RNF6: variants seen among roughly 807,000 people sequenced by gnomAD.
RNF6 encodes E3 ubiquitin-protein ligase RNF6.
Under a neutral mutation model 50.1 loss-of-function variants are expected in RNF6, and 21 were observed. That is an observed-to-expected ratio of 0.42 (90% CI 0.30 to 0.60). The LOEUF (loss-of-function observed/expected upper bound fraction) is 0.60, where lower values mean the gene tolerates loss of function less well. RNF6 is among the 20% of genes least tolerant of loss of function. The probability of loss-of-function intolerance (pLI) is 0.20; values close to 1 mark genes in which losing one functional copy is unlikely to be tolerated. For missense variants in RNF6, 698 were observed against 838.2 expected, an observed-to-expected ratio of 0.83 and a Z score of 2.07; for synonymous variants, 255 against 291.8, an observed-to-expected ratio of 0.87 and a Z score of 1.29.
chr13:26,189,922 A>G (rs1868392882), intron 5 of RNF6, among the ~76,000 whole-genome samples: 1 of 152,242 alleles, frequency 6.6e-6, no homozygotes, highest in Non-Finnish European at 1.5e-5. Context: ...TATGGAAAAT[A>G]GCCTTAAAGA....
chr13:26,133,973 T>C (rs920965353), intron 5 of RNF6, among the ~76,000 whole-genome samples: 1 of 152,232 alleles, frequency 6.6e-6, no homozygotes, highest in Admixed American at 6.5e-5. Flanking sequence ...TTAAACTGTC[T>C]GTTTTATCTG....
rs115728167 is a variant in RNF6 at position 26,139,599 on chromosome 13, C to T, written n.769-7148G>A. 8.2e-3 allele frequency among the ~76,000 whole-genome samples: 1,252 copies of T among 152,222 alleles called. 12 individuals are homozygous for T. The highest frequency in any genetic ancestry group is 0.028 in the African/African-American group (1,177 of 41,522). ...ATCCACCAAAACCTGTTTAACACTT[C>T]GGTTGGAATTGCAATAAACCTCAAG... On this transcript the variant is annotated intron_variant and non_coding_transcript_variant, in intron 5 of 5. Coordinates refer to the RNF6 transcript ENST00000468480.
chr13:26,178,535 A>G (rs1873075074), intron 5 of RNF6, among the ~76,000 whole-genome samples: 1 of 145,142 alleles, frequency 6.9e-6, no homozygotes, highest in South Asian at 2.2e-4. Flanking sequence ...GGCACCCAAA[A>G]ACATTCAGAC....
At chr13:26,134,358 C>T (rs760265506) in intron 5 of RNF6, among the ~76,000 whole-genome samples, 1 of 152,234 alleles carries the variant, frequency 6.6e-6, no homozygotes, top group East Asian at 1.9e-4. Flanking sequence ...TCGGCCTTTG[C>T]CGGCATGGGT....
intron 5 of RNF6, among the ~76,000 whole-genome samples, chr13:26,168,002 A>T (rs1239771784): frequency 6.6e-6 from 1 of 152,208 alleles, no homozygotes; most frequent in Non-Finnish European, 1.5e-5. Context: ...TGATGAGAAC[A>T]CATGGACACA....
At chr13:26,190,453 C>T (rs1868410012) in intron 5 of RNF6, among the ~76,000 whole-genome samples, 1 of 152,194 alleles carries the variant, frequency 6.6e-6, no homozygotes. Flanking sequence ...GCTGGAATCC[C>T]TCCTATGTGA....
intron 5 of RNF6, among the ~76,000 whole-genome samples, chr13:26,201,342 G>C (rs1266757060): frequency 3.9e-5 from 6 of 152,180 alleles, no homozygotes; most frequent in African/African-American, 7.2e-5. Context: ...GGTTACATTT[G>C]TACACTAGTG....
At chr13:26,173,190 C>T (rs1294434958) in intron 5 of RNF6, among the ~76,000 whole-genome samples, 1 of 152,202 alleles carries the variant, frequency 6.6e-6, no homozygotes, top group African/African-American at 2.4e-5. Context: ...GTGCATGCCC[C>T]ACAGTTCAGT....
intron 5 of RNF6, among the ~76,000 whole-genome samples, chr13:26,151,767 G>T (rs902871566): frequency 1.3e-5 from 2 of 152,054 alleles, no homozygotes; most frequent in African/African-American, 4.8e-5. Flanking sequence ...TTATAACAAT[G>T]TTAAAGGGAA....
chr13:26,191,241 CA>C (rs1289273670), intron 5 of RNF6, among the ~76,000 whole-genome samples: 3 of 145,728 alleles, frequency 2.1e-5, no homozygotes, highest in Non-Finnish European at 4.7e-5. Flanking sequence ...TATCTCCAAC[CA>C]TTCATAAAAG....
At chr13:26,216,996 C>T (rs1348464011) in intron 4 of RNF6, among the ~76,000 whole-genome samples, 8 of 152,114 alleles carry the variant, frequency 5.3e-5, no homozygotes, top group Admixed American at 2.6e-4. Context: ...TATTATATGA[C>T]ATCATTCTGA....
intron 5 of RNF6, among the ~76,000 whole-genome samples, chr13:26,132,752 A>G (rs1201663931): frequency 1.3e-5 from 2 of 152,238 alleles, no homozygotes; most frequent in Admixed American, 6.5e-5. Flanking sequence ...ATAACATTTG[A>G]TACATTTATG....
intron 5 of RNF6, among the ~76,000 whole-genome samples, chr13:26,174,807 G>A (rs957660879): frequency 6.6e-6 from 1 of 152,062 alleles, no homozygotes; most frequent in African/African-American, 2.4e-5. Context: ...GCAGTTGAGG[G>A]CTCCATGCTG....
chr13:26,180,876 G>A (rs1020361541), intron 5 of RNF6, among the ~76,000 whole-genome samples: 12 of 152,218 alleles, frequency 7.9e-5, no homozygotes, highest in Non-Finnish European at 1.5e-4. Context: ...AGGGCCCACT[G>A]GGTATTCTAA....
intron 5 of RNF6, among the ~76,000 whole-genome samples, chr13:26,167,102 T>C (rs748869724): frequency 6.6e-6 from 1 of 152,206 alleles, no homozygotes; most frequent in African/African-American, 2.4e-5. Flanking sequence ...ATAAAAACCC[T>C]GGAAGACAAA....
intron 5 of RNF6, among the ~76,000 whole-genome samples, chr13:26,144,647 G>A (rs1871137055): frequency 6.6e-6 from 1 of 152,254 alleles, no homozygotes; most frequent in African/African-American, 2.4e-5. Context: ...GAAAGGGGAT[G>A]TAGTGCTGCA....
At chr13:26,145,591 A>C (rs1308554542) in intron 5 of RNF6, among the ~76,000 whole-genome samples, 1 of 151,910 alleles carries the variant, frequency 6.6e-6, no homozygotes, top group Admixed American at 6.6e-5. Flanking sequence ...CTTCCCCTTC[A>C]CCTTCCACCA....
chr13:26,177,837 C>T (rs1390952424), intron 5 of RNF6, among the ~76,000 whole-genome samples: 2 of 152,224 alleles, frequency 1.3e-5, no homozygotes, highest in Non-Finnish European at 2.9e-5. Context: ...CTATGCCCTA[C>T]TCCACCATGT....
intron 5 of RNF6, among the ~76,000 whole-genome samples, chr13:26,187,458 A>T (rs555639877): frequency 5.7e-4 from 87 of 151,342 alleles, no homozygotes; most frequent in African/African-American, 2.0e-3. Flanking sequence ...TGAATTTCTG[A>T]CTCCTCTGGG....
Sources: gnomAD v4.1 joint callset for allele counts (sites outside exome capture counted in the v4.1 genomes callset) on GRCh38, gnomAD v4.1.1 for gene constraint, MANE v1.5 for transcripts, NCBI Gene and HGNC (gene_info 2026-07-23, HGNC 2026-07-21) for gene names.